The following PTPRQ variants were observed in gnomAD, a reference collection of about 807,000 sequenced individuals.
PTPRQ encodes the protein phosphatidylinositol phosphatase PTPRQ.
A neutral mutation model predicts 246.0 loss-of-function variants in PTPRQ; 199 were observed. The observed-to-expected ratio is 0.81, with a 90% CI of 0.72 to 0.91. The LOEUF (loss-of-function observed/expected upper bound fraction) is 0.91. PTPRQ is among the 40% of genes least tolerant of loss of function. The pLI, the probability that PTPRQ is intolerant of heterozygous loss-of-function variation, is 0.00. For synonymous variants in PTPRQ, 869 were observed against 853.2 expected (o/e 1.02, Z -0.32); for missense variants, 2,624 against 2,528.4 (o/e 1.04, Z -0.81).
intron 14 of PTPRQ, among the ~76,000 whole-genome samples, chr12:80,499,018 A>G (rs1186647443): frequency 6.6e-6 from 1 of 152,006 alleles, no homozygotes; most frequent in Admixed American, 6.6e-5. Context: ...TTAATTTTGG[A>G]AAGTGTCTTA....
intron 34 of PTPRQ, among the ~76,000 whole-genome samples, chr12:80,633,231 T>A (rs924825575): frequency 3.3e-5 from 5 of 152,224 alleles, no homozygotes; most frequent in African/African-American, 1.2e-4. Flanking sequence ...TCTTATAGGT[T>A]TAATTTAAAA....
intron 3 of PTPRQ, among the ~76,000 whole-genome samples, chr12:80,455,713 C>T (rs1043136086): frequency 2.6e-5 from 4 of 152,002 alleles, no homozygotes; most frequent in African/African-American, 2.4e-5. Flanking sequence ...GCCTCAGCCT[C>T]CCAAATAGCT....
chr12:80,476,308 A>C (rs1318662398), intron 8 of PTPRQ, among the ~76,000 whole-genome samples: 1 of 152,204 alleles, frequency 6.6e-6, no homozygotes, highest in Non-Finnish European at 1.5e-5. Flanking sequence ...ATGATGATGC[A>C]AACATGAGCT....
intron 42 of PTPRQ, among the ~76,000 whole-genome samples, chr12:80,672,317 A>G (rs1350570518): frequency 1.3e-5 from 2 of 151,448 alleles, no homozygotes; most frequent in African/African-American, 4.9e-5. Context: ...GCATGTATAT[A>G]TATATACATG....
At position 80,620,228 on chromosome 12, in the gene PTPRQ, G is replaced by A; in HGVS notation, c.5464G>A (p.Gly1822Ser). The A allele has an allele frequency of 6.5e-7, 1 of 1,549,182 alleles. No individual in the cohort carries two copies. The highest frequency in any genetic ancestry group is 8.7e-7 in the Non-Finnish European group (1 of 1,145,332). ...NKARPYFTNE[G>S]FPNPPCTEGK... is the part of the protein sequence containing the mutation. ...AGCAAGGCCATATTTTACAAATGAA[G>A]GCTTTCCTAACCCTCCATGTACAGA... The change falls in exon 32 of 45, where the codon GGC becomes AGC. Residue 1822 changes from glycine to serine, a missense_variant. Gly to Ser is a moderately conservative substitution (Grantham distance 56). Coordinates refer to ENST00000644991, the MANE Select transcript of PTPRQ (RefSeq NM_001145026.2).
At chr12:80,582,403 CAT>C (rs988907603) in intron 25 of PTPRQ, among the ~76,000 whole-genome samples, 3 of 152,094 alleles carry the variant, frequency 2.0e-5, no homozygotes, top group African/African-American at 7.2e-5. Flanking sequence ...CCCCTAGAAT[CAT>C]ATGTTGTAGT....
intron 43 of PTPRQ, 132 bp downstream of exon 43, chr12:80,673,436 G>A (rs1337475850): frequency 7.3e-7 from 1 of 1,372,904 alleles, no homozygotes; most frequent in Admixed American, 3.2e-5. Context: ...TAAGCCTTTT[G>A]GGGAGGATTC....
At chr12:80,510,611 G>T (rs1372136929) in intron 17 of PTPRQ, among the ~76,000 whole-genome samples, 168 bp downstream of exon 17, 1 of 151,882 alleles carries the variant, frequency 6.6e-6, no homozygotes, top group South Asian at 2.1e-4. Flanking sequence ...ATTATGTAGT[G>T]GTTCAATCAT....
rs932061260 is a variant in PTPRQ at position 80,472,242 on chromosome 12, C to G, written c.1177C>G (p.Pro393Ala). Reference protein sequence around the residue: ...GPKSNISVFTPPDVPGAVFDL... With the variant: ...GPKSNISVFTAPDVPGAVFDL... The stretch of plus-strand genomic sequence containing the variant: ...CAAGTCAAATATTTCAGTATTCACT[C>G]CACCAGATGGTAAGAACATAGGGAA... Residue 393 changes from proline (P) to alanine (A), a missense_variant, in exon 8 of 45, where the codon CCA becomes GCA. By Grantham distance (27) the Pro-to-Ala change is conservative. Transcript: ENST00000644991. 1.3e-5 allele frequency: 20 copies of G among 1,551,284 alleles called. No homozygotes were observed. The highest frequency in any genetic ancestry group is 1.7e-5 in the Non-Finnish European group (19 of 1,146,912).
chr12:80,622,041 TTTC>T lies in PTPRQ; in HGVS notation c.5613-17_5613-15del, dbSNP rs1359027779. The T allele has an allele frequency of 3.7e-6, 5 of 1,334,206 alleles. No homozygotes were observed. The highest frequency in any genetic ancestry group is 1.7e-5 in the South Asian group (1 of 60,094). 82.6% of individuals were successfully genotyped at this position (1,334,206 alleles called of 1,614,324 possible). ...TCACATGATATGCAAAGTGTTGATT[TTTC>T]TTTTTTTATTTTATAGATTTAAATT... On this transcript the variant is annotated splice_polypyrimidine_tract_variant and intron_variant, in intron 32 of 44. Transcript: ENST00000644991.
Position 80,541,759 on chromosome 12 carries a change from A to T in PTPRQ, c.3359A>T (p.Asp1120Val), listed in dbSNP as rs1045584015. 1.5e-5 allele frequency: 24 copies of T among 1,550,968 alleles called. No individual in the cohort carries two copies. The highest frequency in any genetic ancestry group is 5.9e-5 in the Admixed American group (3 of 50,952). ...IYFDNLEKYT[D>V]YILKITPSTE... is the part of the protein sequence containing the mutation. ...TTTGATAATCTGGAAAAATACACTGATTATATATTAAAAATTACTCCATCA... is the reference window on the plus strand; with the variant it reads ...TTTGATAATCTGGAAAAATACACTGTTTATATATTAAAAATTACTCCATCA... The change falls in exon 21 of 45, where the codon GAT becomes GTT. Residue 1120 changes from aspartate (D) to valine (V), a missense_variant. Asp to Val is a radical substitution (Grantham distance 152, BLOSUM62 -3). Coordinates refer to ENST00000644991, the MANE Select transcript of PTPRQ (RefSeq NM_001145026.2).
intron 29 of PTPRQ, among the ~76,000 whole-genome samples, chr12:80,615,534 C>T (rs191280144): frequency 4.6e-5 from 7 of 151,150 alleles, no homozygotes; most frequent in African/African-American, 1.4e-4. Context: ...AAAGGATTCA[C>T]GTTTGTGTAA....
At chr12:80,621,401 T>C (rs1898983095) in intron 32 of PTPRQ, among the ~76,000 whole-genome samples, 2 of 151,980 alleles carry the variant, frequency 1.3e-5, no homozygotes, top group African/African-American at 2.4e-5. Context: ...GGTTCAATCA[T>C]GTATTGCAAC....
At chr12:80,476,976 T>C (rs1474364603) in intron 8 of PTPRQ, among the ~76,000 whole-genome samples, 1 of 152,172 alleles carries the variant, frequency 6.6e-6, no homozygotes, top group Non-Finnish European at 1.5e-5. Context: ...CTATTCATAA[T>C]CACAAGTTGA....
At chr12:80,641,909 T>TTCTCTCCCTCTCTC (rs975703610) in intron 35 of PTPRQ, among the ~76,000 whole-genome samples, 2 of 150,462 alleles carry the variant, frequency 1.3e-5, no homozygotes, top group African/African-American at 4.9e-5. Flanking sequence ...CTCTCTCTCT[T>TTCTCTCCCTCTCTC]TCTCTCCCTC....
intron 16 of PTPRQ, among the ~76,000 whole-genome samples, chr12:80,509,810 A>C (rs1895072636): frequency 6.6e-6 from 1 of 152,004 alleles, no homozygotes; most frequent in Admixed American, 6.6e-5. Context: ...GTTTGATATT[A>C]TTTTACTTTT....
At chr12:80,642,764 CA>C (rs1166506983) in intron 35 of PTPRQ, among the ~76,000 whole-genome samples, 4 of 150,264 alleles carry the variant, frequency 2.7e-5, no homozygotes, top group African/African-American at 9.8e-5. Context: ...ACTAAAAATA[CA>C]AAAAATTAGC....
At position 80,643,070 on chromosome 12, in the gene PTPRQ, G is replaced by A. The variant is rs545155667; in HGVS notation, c.5916-5827G>A. 4.5e-4 allele frequency among the ~76,000 whole-genome samples: 68 copies of A among 151,832 alleles called. 3 individuals carry two copies. The highest frequency in any genetic ancestry group is 3.1e-4 in the African/African-American group (13 of 41,442). The stretch of plus-strand genomic sequence containing the variant: ...TTTAATGCTTCTTTTAAACTGATTT[G>A]TCCTACACATATGAGAAGATATGTT... On this transcript the variant is annotated intron_variant, in intron 35 of 44. Coordinates refer to ENST00000644991, the MANE Select transcript of PTPRQ (RefSeq NM_001145026.2).
chr12:80,494,185 T>A (rs1032464347), intron 10 of PTPRQ, among the ~76,000 whole-genome samples: 5 of 152,064 alleles, frequency 3.3e-5, no homozygotes, highest in African/African-American at 1.2e-4. Flanking sequence ...TCCATTTTTC[T>A]TGTGCAAAGA....
Sources: gnomAD v4.1 joint callset for allele counts (sites outside exome capture counted in the v4.1 genomes callset) on GRCh38, gnomAD v4.1.1 for gene constraint, MANE v1.5 for transcripts, NCBI Gene and HGNC (gene_info 2026-07-23, HGNC 2026-07-21) for gene names.